Variants in GIGYF1 observed in about 807,000 individuals in gnomAD.
GIGYF1 encodes the protein GRB10 interacting GYF protein 1.
A neutral mutation model predicts 147.1 loss-of-function variants in GIGYF1; 84 were observed. The observed-to-expected ratio is 0.57, with a 90% CI of 0.48 to 0.68. The LOEUF (loss-of-function observed/expected upper bound fraction) is 0.68. Among genes scored for constraint, GIGYF1 ranks in the 30% least tolerant of loss-of-function variants. The pLI is 0.00. For synonymous variants in GIGYF1, 752 were observed against 589.5 expected, an observed-to-expected ratio of 1.28 and a Z score of -3.99; for missense variants, 1,485 against 1,393.7, an observed-to-expected ratio of 1.07 and a Z score of -1.04.
rs1804814901 is a variant in GIGYF1 at position 100,681,908 on chromosome 7, G to C, written c.3011C>G (p.Ala1004Gly). ...TKLGPGEGSK[A>G]KRRALMLHSD... The stretch of plus-strand genomic sequence containing the variant: ...GTGCAGCATCAGTGCCCGCCTCTTG[G>C]CCTTGCTGCCCTCCCCGGGGCCGAG... Residue 1004 changes from alanine to glycine, a missense_variant, in exon 26 of 27, where the codon GCC becomes GGC. Coordinates refer to ENST00000678049, the MANE Select transcript of GIGYF1 (RefSeq NM_001375765.1). 6.2e-7 allele frequency: 1 copy of C among 1,611,454 alleles called. No homozygotes were observed. The highest frequency in any genetic ancestry group is 1.7e-5 in the Admixed American group (1 of 60,022).
chr7:100,693,625 G>A (rs1805999299), intron 1 of GIGYF1, among the ~76,000 whole-genome samples: 2 of 152,206 alleles, frequency 1.3e-5, no homozygotes, highest in Non-Finnish European at 2.9e-5. Flanking sequence ...CCAAAGGCGC[G>A]CTGGGGAGAA....
Position 100,684,729 on chromosome 7 carries a change from T to C in GIGYF1, c.1456A>G (p.Ile486Val), listed in dbSNP as rs773630192. The change falls in exon 15 of 27, where the codon ATC (isoleucine) becomes GTC (valine). Residue 486 changes from isoleucine (I) to valine (V), a missense_variant. Coordinates refer to ENST00000678049, the MANE Select transcript of GIGYF1 (RefSeq NM_001375765.1). ...KWFYKDPQGE[I>V]QGPFTTQEMA... Reference sequence around the variant, plus strand: ...TCCCATCCCACACAGGTACCTTGGATCTCGCCCTGTGGGTCCTTGTAGAAC... The same window carrying C: ...TCCCATCCCACACAGGTACCTTGGACCTCGCCCTGTGGGTCCTTGTAGAAC... The C allele has an allele frequency of 1.3e-5, 21 of 1,611,804 alleles. No homozygotes were observed. The highest frequency in any genetic ancestry group is 1.6e-4 in the Middle Eastern group (1 of 6,076).
In GIGYF1 at chr7:100,685,369, T is replaced by G; in HGVS notation, c.1167A>C (p.Ala389=). ...CTTCGGCCGCTGGGGGCTCTTTCTC[T>G]GCAGTTTCGTCCCCATCCCCGTTTG... ...WGTNGDGDET[A]EKEPPAAEDD... is the part of the protein sequence containing the mutation. The change falls in exon 13 of 27, where the codon GCA becomes GCC. Residue 389 remains alanine (A), a synonymous_variant. Transcript: ENST00000678049. 1 of 1,599,008 alleles carries G rather than the reference T, an allele frequency of 6.3e-7. No homozygotes were observed. Among genetic ancestry groups the G allele is most frequent in the Non-Finnish European group, 8.5e-7 (1 of 1,176,032 alleles).
rs763295663 is a variant in GIGYF1 at position 100,684,732 on chromosome 7, C to T, written c.1453G>A (p.Glu485Lys). Reference protein sequence around the residue: ...RKWFYKDPQGEIQGPFTTQEM... With the variant: ...RKWFYKDPQGKIQGPFTTQEM... ...CATCCCACACAGGTACCTTGGATCTCGCCCTGTGGGTCCTTGTAGAACCAC... is the reference window on the plus strand; with the variant it reads ...CATCCCACACAGGTACCTTGGATCTTGCCCTGTGGGTCCTTGTAGAACCAC... The change falls in exon 15 of 27, where the codon GAG becomes AAG. Residue 485 changes from glutamate to lysine, a missense_variant. Physicochemically the swap from Glu to Lys is moderately conservative, Grantham distance 56. Coordinates refer to ENST00000678049, the MANE Select transcript of GIGYF1 (RefSeq NM_001375765.1). 30 of 1,611,804 alleles carry T rather than the reference C, an allele frequency of 1.9e-5. No homozygotes were observed. Among genetic ancestry groups the T allele is most frequent in the African/African-American group, 4.0e-5 (3 of 74,904 alleles).
chr7:100,686,706 A>T lies in GIGYF1; in HGVS notation c.637T>A (p.Trp213Arg). ...EEQEEEEEGS[W>R]RLGAGPRRDG... ...CGCCGGGGCCCTGCTCCGAGCCTCC[A>T]GCTGCCCTCCTCCTCCTCCTCCTGT... is the stretch of plus-strand genomic sequence containing the variant. Residue 213 changes from tryptophan to arginine, a missense_variant, in exon 10 of 27, where the codon TGG becomes AGG. Trp to Arg is a moderately radical substitution (Grantham distance 101, BLOSUM62 -3). Transcript: ENST00000678049. 1.2e-6 allele frequency: 2 copies of T among 1,613,258 alleles called. No homozygotes were observed. Among genetic ancestry groups the T allele is most frequent in the Non-Finnish European group, 1.7e-6 (2 of 1,179,842 alleles).
At chr7:100,689,712 G>C (rs992459333) in intron 1 of GIGYF1, among the ~76,000 whole-genome samples, 157 bp from the exon 2 acceptor site, 6 of 152,206 alleles carry the variant, frequency 3.9e-5, no homozygotes, top group African/African-American at 1.4e-4. Context: ...GGCCAGGCTG[G>C]CCTCCCCTGG....
chr7:100,686,826 G>C lies in GIGYF1; in HGVS notation c.524-7C>G, dbSNP rs373392443. 1.9e-6 allele frequency: 3 copies of C among 1,613,490 alleles called. No individual in the cohort carries two copies. The highest frequency in any genetic ancestry group is 3.3e-5 in the Admixed American group (2 of 59,990). On this transcript the variant is annotated splice_region_variant and splice_polypyrimidine_tract_variant and intron_variant, in intron 9 of 26. Coordinates refer to ENST00000678049, the MANE Select transcript of GIGYF1 (RefSeq NM_001375765.1). ...TCCTCAAAGCCACATCGTGCTGGGA[G>C]ACGGGAAGACAGGGGCAGTTATTAG... is the stretch of plus-strand genomic sequence containing the variant.
Position 100,682,343 on chromosome 7 carries a change from T to TCAGCGTGTG in GIGYF1, c.2731_2739dup (p.His911_Leu913dup). On this transcript the variant is annotated inframe_insertion, in exon 24 of 27. Coordinates refer to ENST00000678049, the MANE Select transcript of GIGYF1 (RefSeq NM_001375765.1). ...CCACCGTCCAGGCTGCCCGTGGCGCTCAGCGTGTGCAGCATCTGCTCGCAC... is the reference window on the plus strand; with the variant it reads ...CCACCGTCCAGGCTGCCCGTGGCGCTCAGCGTGTGCAGCGTGTGCAGCATCTGCTCGCAC... The TCAGCGTGTG allele has an allele frequency of 6.2e-7, 1 of 1,612,936 alleles. No individual in the cohort carries two copies. Among genetic ancestry groups the TCAGCGTGTG allele is most frequent in the Non-Finnish European group, 8.5e-7 (1 of 1,179,850 alleles).
At chr7:100,686,843 AGTTATTAGAAAGGCAGC>A (rs1805396385) in intron 9 of GIGYF1, 24 bp from the exon 10 acceptor site, 5 of 1,611,834 alleles carry the variant, frequency 3.1e-6, no homozygotes, top group Non-Finnish European at 3.4e-6. Flanking sequence ...AGACAGGGGC[AGTTATTAGAAAGGCAGC>A]GTGGTGCCTG....
chr7:100,681,938 G>A lies in GIGYF1; in HGVS notation c.2981C>T (p.Thr994Ile). ...LQTAFQANHS[T>I]KLGPGEGSKA... is the part of the protein sequence containing the mutation. ...GCTGCCCTCCCCGGGGCCGAGTTTG[G>A]TGCTGTGGTTGGCCTGGAAGGCCGT... The change falls in exon 26 of 27, where the codon ACC becomes ATC. Residue 994 changes from threonine to isoleucine, a missense_variant. Coordinates refer to ENST00000678049, the MANE Select transcript of GIGYF1 (RefSeq NM_001375765.1). 1 of 1,610,100 alleles carries A rather than the reference G, an allele frequency of 6.2e-7. No individual in the cohort carries two copies. The highest frequency in any genetic ancestry group is 8.5e-7 in the Non-Finnish European group (1 of 1,179,960).
intron 1 of GIGYF1, among the ~76,000 whole-genome samples, chr7:100,690,971 G>C (rs1178088613): frequency 6.6e-6 from 1 of 151,828 alleles, no homozygotes; most frequent in South Asian, 2.1e-4. Context: ...AGGGGAGAGA[G>C]CAGGCCCAGA....
Position 100,681,876 on chromosome 7 carries a change from G to T in GIGYF1, c.3043C>A (p.Pro1015Thr). The T allele has an allele frequency of 6.2e-7, 1 of 1,612,562 alleles. No individual in the cohort carries two copies. Residue 1015 changes from proline (P) to threonine (T), a missense_variant, in exon 26 of 27, where the codon CCC (proline) becomes ACC (threonine). Physicochemically the swap from Pro to Thr is conservative, Grantham distance 38. Coordinates refer to ENST00000678049, the MANE Select transcript of GIGYF1 (RefSeq NM_001375765.1). ...CAGCCCAGCTCACCCAGGATGCTGG[G>T]GTCTGAGTGCAGCATCAGTGCCCGC... ...KRRALMLHSD[P>T]SILGYSLHGS... is the part of the protein sequence containing the mutation.
rs888607608 is a variant in GIGYF1 at position 100,685,165 on chromosome 7, G to A, written c.1193-19C>T. On this transcript the variant is annotated intron_variant, in intron 13 of 26. Transcript: ENST00000678049. ...ATATCATCTGGAAGGCATGAGATAG[G>A]AGGTGGAAAGAAGGGCGGGGAGGAG... The A allele has an allele frequency of 1.9e-6, 3 of 1,563,136 alleles. No individual in the cohort carries two copies. Among genetic ancestry groups the A allele is most frequent in the Non-Finnish European group, 1.7e-6 (2 of 1,148,356 alleles).
rs1358297026 is a variant in GIGYF1, at chr7:100,688,694, G to A, written c.-237C>T. 4 of 362,650 alleles carry A rather than the reference G, an allele frequency of 1.1e-5. No homozygotes were observed. The highest frequency in any genetic ancestry group is 2.2e-5 in the Non-Finnish European group (4 of 183,026). The allele number at this position is 362,650 out of a possible 1,614,324, so 22.5% of individuals were successfully genotyped here. A position where few individuals can be genotyped will look rare whatever the true frequency, so the allele number is the denominator to read the frequency against. ...GGTCTGACCTCAGTAGAGCCTGGGA[G>A]GGACCTTCACATCTGGGAAAGACCC... On this transcript the variant is annotated 5_prime_UTR_variant, in exon 2 of 27. Transcript: ENST00000678049.
At chr7:100,682,897 T>C in intron 22 of GIGYF1, 115 bp downstream of exon 22, 9 of 1,278,890 alleles carry the variant, frequency 7.0e-6, no homozygotes, top group Non-Finnish European at 9.5e-6. Context: ...GCTGTTGCCA[T>C]CACAGGAGAG....
At chr7:100,685,847 A>G (rs960366993) in intron 12 of GIGYF1, 127 bp downstream of exon 12, 2 of 740,698 alleles carry the variant, frequency 2.7e-6, no homozygotes, top group Admixed American at 2.4e-5. Context: ...CCCACCTCTC[A>G]GCACTCTTCT....
At position 100,684,147 on chromosome 7, in the gene GIGYF1, G is replaced by T; in HGVS notation, c.1741C>A (p.Pro581Thr). ...FLQLVSSRQL[P>T]QCALREKAAL... ...GCCTTTTCTCGGAGCGCGCACTGTG[G>T]GAGCTGGCGGCTGCAAATGGGACAG... Residue 581 changes from proline to threonine, a missense_variant, in exon 18 of 27, where the codon CCA becomes ACA. By Grantham distance (38) the Pro-to-Thr change is conservative (BLOSUM62 -1). Transcript: ENST00000678049. The T allele has an allele frequency of 6.2e-7, 1 of 1,608,648 alleles. No homozygotes were observed.
rs753136891 is a variant in GIGYF1 at position 100,681,873 on chromosome 7, T to C, written c.3046A>G (p.Ser1016Gly). Reference protein sequence around the residue: ...RRALMLHSDPSILGYSLHGSS... With the variant: ...RRALMLHSDPGILGYSLHGSS... ...CCCCAGCCCAGCTCACCCAGGATGCTGGGGTCTGAGTGCAGCATCAGTGCC... is the reference window on the plus strand; with the variant it reads ...CCCCAGCCCAGCTCACCCAGGATGCCGGGGTCTGAGTGCAGCATCAGTGCC... The change falls in exon 26 of 27, where the codon AGC becomes GGC. Residue 1016 changes from serine (S) to glycine (G), a missense_variant. Coordinates refer to ENST00000678049, the MANE Select transcript of GIGYF1 (RefSeq NM_001375765.1). 1 of 1,612,690 alleles carries C rather than the reference T, an allele frequency of 6.2e-7. No homozygotes were observed. The highest frequency in any genetic ancestry group is 2.2e-5 in the East Asian group (1 of 44,884).
intron 22 of GIGYF1, 59 bp downstream of exon 22, chr7:100,682,953 C>T: frequency 7.2e-7 from 1 of 1,381,424 alleles, no homozygotes; most frequent in Non-Finnish European, 9.6e-7. Context: ...TCAGTATCCC[C>T]CTCCCTGTGC....
Sources: allele counts gnomAD v4.1 joint callset (sites outside exome capture counted in the v4.1 genomes callset), GRCh38; gene constraint gnomAD v4.1.1; transcripts MANE v1.5; gene names NCBI Gene and HGNC (gene_info 2026-07-23, HGNC 2026-07-21).